COL5A2: variants seen among roughly 807,000 people sequenced by gnomAD.
COL5A2 encodes the protein collagen type V alpha 2 chain, also known as collagen alpha-2(V) chain.
COL5A2 carries 23 observed loss-of-function variants against 208.2 expected under a neutral mutation model. The observed-to-expected ratio is 0.11, with a 90% CI of 0.08 to 0.16. The LOEUF is 0.16. Ranked by LOEUF, COL5A2 falls within the 10% of genes least tolerant of loss-of-function variation. COL5A2 has a pLI of 1.00. For synonymous variants in COL5A2, 625 were observed against 628.5 expected, an observed-to-expected ratio of 0.99 and a Z score of 0.08; for missense variants, 1,590 against 1,956.4, an observed-to-expected ratio of 0.81 and a Z score of 3.53.
In COL5A2 at chr2:189,039,485, C is replaced by T. The variant is rs1261622137; in HGVS notation, c.3712G>A (p.Gly1238Arg). ...TCTGGCATGCTTTCATCATAGTGCC[C>T]CATGATATCCCCAAGAGCAGCTGTA... ...HLTAALGDIMGHYDESMPDPL... is the reference protein window; with the variant it reads ...HLTAALGDIMRHYDESMPDPL... Residue 1238 changes from glycine to arginine, a missense_variant, in exon 51 of 54, where the codon GGG becomes AGG. Coordinates refer to ENST00000374866, the MANE Select transcript of COL5A2 (RefSeq NM_000393.5). 6 of 1,613,992 alleles carry T rather than the reference C, an allele frequency of 3.7e-6. No individual in the cohort carries two copies. The highest frequency in any genetic ancestry group is 5.1e-6 in the Non-Finnish European group (6 of 1,179,998).
chr2:189,159,572 C>G (rs1688318547), intron 1 of COL5A2, among the ~76,000 whole-genome samples: 1 of 152,174 alleles, frequency 6.6e-6, no homozygotes, highest in Non-Finnish European at 1.5e-5. Flanking sequence ...CCTGTGATTA[C>G]ATTTGTTTTC....
At chr2:189,083,064 A>T (rs546853254) in intron 12 of COL5A2, among the ~76,000 whole-genome samples, 2 of 152,330 alleles carry the variant, frequency 1.3e-5, no homozygotes, top group South Asian at 4.1e-4. Context: ...GTAAACAGAA[A>T]GTAATGTGGT....
the COL5A2 span, among the ~76,000 whole-genome samples, chr2:189,391,302 C>G: frequency 6.6e-6 from 1 of 152,092 alleles, no homozygotes; most frequent in East Asian, 1.9e-4. Context: ...ATAGGGAATT[C>G]AGTTTAATGT....
chr2:189,319,377 T>C, the COL5A2 span, among the ~76,000 whole-genome samples: 1 of 152,322 alleles, frequency 6.6e-6, no homozygotes, highest in South Asian at 2.1e-4. Flanking sequence ...CATCGCCTAA[T>C]CCGGGAAGTG....
chr2:189,201,927 A>T (rs1483271750), intron 1 of COL5A2, among the ~76,000 whole-genome samples: 3 of 151,776 alleles, frequency 2.0e-5, no homozygotes, highest in Non-Finnish European at 2.9e-5. Context: ...TAATCCATTG[A>T]TCATATAAAA....
At chr2:189,157,603 A>G (rs535315926) in intron 1 of COL5A2, among the ~76,000 whole-genome samples, 213 of 152,144 alleles carry the variant, frequency 1.4e-3, no homozygotes, top group Middle Eastern at 3.4e-3. Flanking sequence ...ATCTACTTCA[A>G]AGTGTTTTTC....
the COL5A2 span, among the ~76,000 whole-genome samples, chr2:189,437,119 T>A: frequency 6.6e-6 from 1 of 152,142 alleles, no homozygotes; most frequent in South Asian, 2.1e-4. Flanking sequence ...AGCAGAATGA[T>A]CTAGGGTAAG....
At chr2:189,086,884 G>T in intron 8 of COL5A2, 114 bp from the exon 9 acceptor site, 1 of 847,776 alleles carries the variant, frequency 1.2e-6, no homozygotes, top group Non-Finnish European at 1.9e-6. Flanking sequence ...GACAAAGGGG[G>T]ATGATGACAT....
chr2:189,219,060 C>T (rs1310754828), intron 1 of COL5A2, among the ~76,000 whole-genome samples: 1 of 152,190 alleles, frequency 6.6e-6, no homozygotes, highest in African/African-American at 2.4e-5. Context: ...AAACAATCCA[C>T]AAAATTGCCA....
chr2:189,339,315 C>A, the COL5A2 span, among the ~76,000 whole-genome samples: 1 of 149,732 alleles, frequency 6.7e-6, no homozygotes, highest in Non-Finnish European at 1.5e-5. Context: ...TGCGCCACTG[C>A]ACTCCAGCCT....
chr2:189,188,615 C>T (rs1208044786), intron 1 of COL5A2, among the ~76,000 whole-genome samples: 1 of 152,162 alleles, frequency 6.6e-6, no homozygotes, highest in Non-Finnish European at 1.5e-5. Context: ...AATGGCAGGA[C>T]TAGGCACAGG....
the COL5A2 span, among the ~76,000 whole-genome samples, chr2:189,393,325 AT>A: frequency 6.6e-6 from 1 of 152,266 alleles, no homozygotes; most frequent in South Asian, 2.1e-4. Flanking sequence ...AAGAAAACTA[AT>A]AACTAAATTG....
At chr2:189,311,811 C>G in the COL5A2 span, 1 of 1,147,006 alleles carries the variant, frequency 8.7e-7, no homozygotes, top group East Asian at 2.4e-5. Flanking sequence ...CTGAAATGAT[C>G]CTGAGATTTG....
the COL5A2 span, among the ~76,000 whole-genome samples, chr2:189,334,573 A>C: frequency 6.6e-6 from 1 of 152,048 alleles, no homozygotes; most frequent in Non-Finnish European, 1.5e-5. Context: ...ATAATTGCTC[A>C]AAGTAATTAA....
At chr2:189,243,187 T>C in the COL5A2 span, among the ~76,000 whole-genome samples, 5 of 151,410 alleles carry the variant, frequency 3.3e-5, no homozygotes, top group Non-Finnish European at 4.4e-5. Context: ...ACTGGAAGCT[T>C]AAAGGAAGAA....
the COL5A2 span, among the ~76,000 whole-genome samples, chr2:189,418,536 G>A: frequency 6.6e-6 from 1 of 152,190 alleles, no homozygotes; most frequent in Admixed American, 6.5e-5. Flanking sequence ...CACAGAACAG[G>A]TTTGTGGAGT....
the COL5A2 span, among the ~76,000 whole-genome samples, chr2:189,432,569 TAA>T: frequency 6.6e-6 from 1 of 151,762 alleles, no homozygotes; most frequent in African/African-American, 2.4e-5. Flanking sequence ...CAACAAATAT[TAA>T]AAGAGACAAA....
chr2:189,106,248 A>C (rs1687146647), intron 2 of COL5A2, among the ~76,000 whole-genome samples: 1 of 151,478 alleles, frequency 6.6e-6, no homozygotes, highest in Non-Finnish European at 1.5e-5. Context: ...CTAACCAAGA[A>C]CATAATAGGA....
At chr2:189,046,929 C>A (rs891832135) in intron 45 of COL5A2, among the ~76,000 whole-genome samples, 1 of 152,090 alleles carries the variant, frequency 6.6e-6, no homozygotes, top group Non-Finnish European at 1.5e-5. Flanking sequence ...CGAGACCATC[C>A]TGGCCAACGT....
Sources: gnomAD v4.1 joint callset for allele counts (sites outside exome capture counted in the v4.1 genomes callset) on GRCh38, gnomAD v4.1.1 for gene constraint, MANE v1.5 for transcripts, NCBI Gene and HGNC (gene_info 2026-07-23, HGNC 2026-07-21) for gene names.